Variants in EXD3 observed in about 807,000 individuals in gnomAD.
EXD3 encodes exonuclease 3'-5' domain containing 3.
Under a neutral mutation model 98.0 loss-of-function variants are expected in EXD3, and 92 were observed. The ratio of observed to expected loss-of-function variants is 0.94; its 90% confidence interval spans 0.79 to 1.12. The LOEUF is 1.12. Among genes scored for constraint, EXD3 ranks in the 50% most tolerant of loss-of-function variants. The pLI, the probability that EXD3 is intolerant of heterozygous loss-of-function variation, is 0.00. For synonymous variants in EXD3, 569 were observed against 526.0 expected, an observed-to-expected ratio of 1.08 and a Z score of -1.12; for missense variants, 1,222 against 1,191.6, an observed-to-expected ratio of 1.03 and a Z score of -0.38.
At chr9:137,336,482 G>A (rs1159562523) in intron 17 of EXD3, among the ~76,000 whole-genome samples, 5 of 151,978 alleles carry the variant, frequency 3.3e-5, no homozygotes, top group African/African-American at 4.8e-5. Context: ...CCAACATGGC[G>A]AAACCTCATA....
intron 1 of EXD3, among the ~76,000 whole-genome samples, chr9:137,420,649 G>A (rs1350808468): frequency 6.6e-6 from 1 of 151,788 alleles, no homozygotes; most frequent in Non-Finnish European, 1.5e-5. Flanking sequence ...CCCTTAAAAG[G>A]TTCTTGGCCT....
At chr9:137,406,421 GGTGAGCCTC>G (rs1837717682) in intron 1 of EXD3, among the ~76,000 whole-genome samples, 1 of 152,144 alleles carries the variant, frequency 6.6e-6, no homozygotes, top group South Asian at 2.1e-4. Flanking sequence ...GCCAGGGCGG[GGTGAGCCTC>G]GTGACACCCC....
At chr9:137,307,530 T>C in intron 21 of EXD3, 78 bp downstream of exon 21, 1 of 1,558,650 alleles carries the variant, frequency 6.4e-7, no homozygotes, top group Non-Finnish European at 8.7e-7. Flanking sequence ...GGGACCCAAG[T>C]CCCCCATTCT....
At position 137,400,488 on chromosome 9, in the gene EXD3, G is replaced by A. The variant is rs140155179; in HGVS notation, c.-47-5084C>T. Among the ~76,000 whole-genome samples, 539 of 152,304 alleles carry A rather than the reference G, an allele frequency of 3.5e-3. 3 individuals are homozygous for A. The highest frequency in any genetic ancestry group is 0.011 in the African/African-American group (454 of 41,558). ...TCAGTACATACAGCCATTCTGGGCC[G>A]GGCATGGTGGCTCATTCTTATAATC... is the stretch of plus-strand genomic sequence containing the variant. On this transcript the variant is annotated intron_variant, in intron 1 of 21. Transcript: ENST00000340951.
At chr9:137,375,968 A>T (rs1835877592) in intron 3 of EXD3, among the ~76,000 whole-genome samples, 2 of 152,070 alleles carry the variant, frequency 1.3e-5, no homozygotes, top group South Asian at 4.2e-4. Context: ...AACTACCCCC[A>T]TTTTACTAAA....
chr9:137,418,485 T>G (rs961548664), intron 1 of EXD3, among the ~76,000 whole-genome samples: 7 of 152,226 alleles, frequency 4.6e-5, no homozygotes, highest in African/African-American at 1.7e-4. Flanking sequence ...GCTAAATATA[T>G]TTACATCTGT....
At chr9:137,368,408 C>T (rs968608031) in intron 5 of EXD3, among the ~76,000 whole-genome samples, 1 of 152,192 alleles carries the variant, frequency 6.6e-6, no homozygotes, top group Admixed American at 6.5e-5. Flanking sequence ...CTGCAGTGGA[C>T]GGGCCAAGGC....
intron 17 of EXD3, among the ~76,000 whole-genome samples, chr9:137,334,001 C>G (rs746722252): frequency 1.8e-4 from 27 of 151,570 alleles, no homozygotes; most frequent in Admixed American, 9.9e-4. Context: ...CACCACCAAG[C>G]CCAGCAAATT....
chr9:137,382,714 G>A (rs1836377609), intron 3 of EXD3, among the ~76,000 whole-genome samples: 1 of 152,134 alleles, frequency 6.6e-6, no homozygotes, highest in Non-Finnish European at 1.5e-5. Flanking sequence ...GAGGAGCTGG[G>A]CTGGGGTTGG....
chr9:137,361,677 C>T (rs1267641837), intron 7 of EXD3, among the ~76,000 whole-genome samples: 3 of 146,958 alleles, frequency 2.0e-5, no homozygotes, highest in Admixed American at 6.9e-5. Context: ...ACCCGGGAGG[C>T]GGAGGTTGCA....
At position 137,308,310 on chromosome 9, in the gene EXD3, G is replaced by A. The variant is rs368322069; in HGVS notation, c.2279-664C>T. Among the ~76,000 whole-genome samples, 111 of 152,248 alleles carry A rather than the reference G, an allele frequency of 7.3e-4. 2 individuals are homozygous for A. The highest frequency in any genetic ancestry group is 1.7e-3 in the African/African-American group (69 of 41,536). ...AGATGGCTCCAGATCAGCTGCGGCC[G>A]GGGATGAATGCACCACGCCCCCACC... On this transcript the variant is annotated intron_variant, in intron 20 of 21. Transcript: ENST00000340951.
At position 137,403,672 on chromosome 9, in the gene EXD3, C is replaced by G. The variant is rs1046192730; in HGVS notation, c.-47-8268G>C. On this transcript the variant is annotated intron_variant, in intron 1 of 21. Transcript: ENST00000340951. This position sits in a 1 kb window ranked among gnomAD's most constrained non-coding sequence, Gnocchi z 6.1. ...ATTGGCCTTGGGGGAGATGGACCAG[C>G]AGGCCCGAGATCCAGGGTCTTAGGG... Among the ~76,000 whole-genome samples, 2 of 152,166 alleles carry G rather than the reference C, an allele frequency of 1.3e-5. No individual in the cohort carries two copies. Among genetic ancestry groups the G allele is most frequent in the African/African-American group, 2.4e-5 (1 of 41,422 alleles).
At chr9:137,416,447 G>C (rs934487636) in intron 1 of EXD3, among the ~76,000 whole-genome samples, 1 of 152,212 alleles carries the variant, frequency 6.6e-6, no homozygotes, top group Non-Finnish European at 1.5e-5. Context: ...AGGGACCGCC[G>C]GCAGCCCACC....
intron 1 of EXD3, among the ~76,000 whole-genome samples, chr9:137,420,743 C>CA (rs1554743360): frequency 2.7e-5 from 4 of 147,534 alleles, no homozygotes; most frequent in Non-Finnish European, 4.6e-5. Flanking sequence ...ATTCACCCCC[C>CA]CCCCCAAATT....
chr9:137,355,690 AAAGGGAGGAAGGAGGAAGGAGGAAGGAGG>A (rs1834720002), intron 8 of EXD3, among the ~76,000 whole-genome samples: 1 of 23,162 alleles, frequency 4.3e-5, no homozygotes, highest in East Asian at 2.3e-3. Context: ...GAGGAAGGAG[AAAGGGAGGAAGGAGGAAGGAGGAAGGAGG>A]AAGGAGGAAG....
chr9:137,312,074 C>T (rs977152013), intron 19 of EXD3, among the ~76,000 whole-genome samples: 4 of 152,320 alleles, frequency 2.6e-5, no homozygotes, highest in South Asian at 2.1e-4. Context: ...AGGGTTCTCA[C>T]GCCGCCTCCT....
At chr9:137,410,877 C>G (rs1403998997) in intron 1 of EXD3, among the ~76,000 whole-genome samples, 3 of 151,922 alleles carry the variant, frequency 2.0e-5, no homozygotes, top group African/African-American at 7.3e-5. Flanking sequence ...CTGCAGGTGA[C>G]TGTGCCTGGA....
At chr9:137,366,282 C>T (rs1293623539) in intron 7 of EXD3, 6 of 732,316 alleles carry the variant, frequency 8.2e-6, no homozygotes, top group African/African-American at 1.7e-5. Context: ...TCTTTTCACT[C>T]GGGAGAAGAG....
In EXD3 at chr9:137,316,509, C is replaced by T. The variant is rs115323401; in HGVS notation, c.2185-6809G>A. On this transcript the variant is annotated intron_variant, in intron 19 of 21. Transcript: ENST00000340951. The stretch of plus-strand genomic sequence containing the variant: ...GCCGGTCCCGGCAGCAGGTGGCAGG[C>T]CCTGAACCCGCCCCAAGCGGCCCTG... Among the ~76,000 whole-genome samples the T allele has an allele frequency of 8.7e-3, 1,319 of 152,264 alleles. 24 individuals are homozygous for T. The highest frequency in any genetic ancestry group is 0.03 in the African/African-American group (1,249 of 41,552).
Sources: gnomAD v4.1 joint callset for allele counts (sites outside exome capture counted in the v4.1 genomes callset) on GRCh38, gnomAD v4.1.1 for gene constraint, Gnocchi (gnomAD v3.1) non-coding constraint, MANE v1.5 for transcripts, NCBI Gene and HGNC (gene_info 2026-07-23, HGNC 2026-07-21) for gene names.